ZNF208: variants seen among roughly 807,000 people sequenced by gnomAD.
ZNF208 encodes the protein zinc finger protein 208.
A neutral mutation model predicts 12.1 loss-of-function variants in ZNF208; 10 were observed. The observed-to-expected ratio is 0.83, with a 90% CI of 0.51 to 1.40. The LOEUF (loss-of-function observed/expected upper bound fraction) is 1.40, where lower values mean the gene tolerates loss of function less well. Ranked by LOEUF, ZNF208 falls within the 40% of genes most tolerant of loss-of-function variation. The probability of loss-of-function intolerance (pLI) is 0.00; values close to 1 mark genes in which losing one functional copy is unlikely to be tolerated. For missense variants in ZNF208, 1,652 were observed against 1,485.0 expected, an observed-to-expected ratio of 1.11 and a Z score of -1.85; for synonymous variants, 497 against 488.4, an observed-to-expected ratio of 1.02 and a Z score of -0.23.
chr19:21,957,952 A>G (rs1970002168), intron 4 of ZNF208, among the ~76,000 whole-genome samples: 1 of 152,024 alleles, frequency 6.6e-6, no homozygotes, highest in Admixed American at 6.6e-5. Context: ...ATCATTTAGC[A>G]TTAGGTATAT....
chr19:21,959,947 G>A (rs542160874), intron 4 of ZNF208, among the ~76,000 whole-genome samples: 155 of 152,134 alleles, frequency 1.0e-3, no homozygotes, highest in Non-Finnish European at 1.5e-3. Context: ...CTCATATTTT[G>A]TCAGCTTAGT....
chr19:21,969,277 GA>G lies in ZNF208; in HGVS notation c.*1913del, dbSNP rs3029025. ...TGGCCACAGTAAGCCAATGTGTCTG[GA>G]AAAAAAAAAAATCTGTGTTTTGAAG... is the stretch of plus-strand genomic sequence containing the variant. On this transcript the variant is annotated 3_prime_UTR_variant, in exon 4 of 4. Transcript: ENST00000397126. Among the ~76,000 whole-genome samples the G allele has an allele frequency of 0.46, 68,677 of 149,398 alleles. 16,048 individuals are homozygous for G. The highest frequency in any genetic ancestry group is 0.55 in the African/African-American group (22,583 of 40,948).
At chr19:21,981,690 T>A (rs1401516430) in intron 3 of ZNF208, among the ~76,000 whole-genome samples, 1 of 152,160 alleles carries the variant, frequency 6.6e-6, no homozygotes, top group Non-Finnish European at 1.5e-5. Flanking sequence ...TTCAACATAG[T>A]ATTGGAAGTT....
chr19:21,995,468 A>G (rs868224641), intron 1 of ZNF208, among the ~76,000 whole-genome samples: 59 of 152,338 alleles, frequency 3.9e-4, no homozygotes, highest in African/African-American at 1.4e-3. Context: ...CACTCTTGTC[A>G]GCCTGACACA....
intron 4 of ZNF208, among the ~76,000 whole-genome samples, chr19:21,949,298 T>C (rs1599601648): frequency 6.6e-6 from 1 of 152,322 alleles, no homozygotes. Context: ...ACTAAGACTT[T>C]CCTCAATTTA....
At chr19:21,955,221 T>G (rs1204512278) in intron 4 of ZNF208, among the ~76,000 whole-genome samples, 2 of 152,250 alleles carry the variant, frequency 1.3e-5, no homozygotes, top group African/African-American at 4.8e-5. Flanking sequence ...GGGCTTCCAT[T>G]TGTGGGTAAC....
At chr19:21,978,017 C>A (rs1241541718) in intron 3 of ZNF208, among the ~76,000 whole-genome samples, 1 of 152,176 alleles carries the variant, frequency 6.6e-6, no homozygotes, top group East Asian at 1.9e-4. Context: ...CAGACTGTAT[C>A]TCAAGATGCC....
chr19:21,959,857 TAAGAAACTAAAAATATG>T (rs1471077603), intron 4 of ZNF208, among the ~76,000 whole-genome samples: 3 of 152,208 alleles, frequency 2.0e-5, no homozygotes, highest in Non-Finnish European at 4.4e-5. Context: ...AGATGTTCTC[TAAGAAACTAAAAATATG>T]TTTAGTTTTA....
chr19:21,991,607 G>A (rs1028554995), intron 1 of ZNF208: 1 of 152,116 alleles, frequency 6.6e-6, no homozygotes, highest in African/African-American at 2.4e-5. Flanking sequence ...AGGCATGGTG[G>A]CGCATGCCTG....
rs529619223 is a variant in ZNF208, at chr19:21,953,850, T to C, written c.306-20613A>G. Among the ~76,000 whole-genome samples, 217 of 152,322 alleles carry C rather than the reference T, an allele frequency of 1.4e-3. 1 individual carries two copies. Among genetic ancestry groups the C allele is most frequent in the Non-Finnish European group, 2.2e-3 (149 of 68,026 alleles). The stretch of plus-strand genomic sequence containing the variant: ...TCTATCTCTTTCATTTCTGCTCTGA[T>C]CTTAGTTATTTCTTGCCTTCTGCTA... On this transcript the variant is annotated intron_variant, in intron 4 of 4. Coordinates refer to the ZNF208 transcript ENST00000599916.
intron 1 of ZNF208, chr19:21,998,545 C>T (rs1331219855): frequency 2.0e-5 from 3 of 152,562 alleles, no homozygotes; most frequent in Non-Finnish European, 2.9e-5. Flanking sequence ...AAGCAATTCT[C>T]CTGTCTCAGC....
chr19:21,951,064 C>T (rs766969936), intron 4 of ZNF208, among the ~76,000 whole-genome samples: 5 of 152,190 alleles, frequency 3.3e-5, no homozygotes, highest in African/African-American at 4.8e-5. Context: ...AGAATACAAA[C>T]ATCTTAAACA....
intron 1 of ZNF208, among the ~76,000 whole-genome samples, chr19:21,992,797 T>TA (rs1970764428): frequency 6.6e-6 from 1 of 152,168 alleles, no homozygotes; most frequent in South Asian, 2.1e-4. Flanking sequence ...ATTGTCAGAA[T>TA]TTTTTCAAAT....
chr19:22,006,236 T>G (rs1240271638), intron 1 of ZNF208, among the ~76,000 whole-genome samples: 1 of 152,056 alleles, frequency 6.6e-6, no homozygotes, highest in African/African-American at 2.4e-5. Context: ...CATTTAAACA[T>G]TCCCCTCACC....
At position 21,981,808 on chromosome 19, in the gene ZNF208, C is replaced by G. The variant is rs1334070217; in HGVS notation, c.226+5408G>C. The stretch of plus-strand genomic sequence containing the variant: ...ATGACATGATTGTATATTTAGAAAA[C>G]CCCACTGTCTCAGCCCAAGATCTCC... On this transcript the variant is annotated intron_variant, in intron 3 of 3. Coordinates refer to ENST00000397126, the MANE Select transcript of ZNF208 (RefSeq NM_007153.3). 4.6e-5 allele frequency among the ~76,000 whole-genome samples: 7 copies of G among 152,110 alleles called. No homozygotes were observed. In the East Asian group the frequency reaches 1.3e-3, roughly 29 times the overall value.
chr19:21,960,695 T>C lies in ZNF208; in HGVS notation c.305+14034A>G, dbSNP rs550795705. Among the ~76,000 whole-genome samples the C allele has an allele frequency of 1.6e-4, 24 of 152,308 alleles. No homozygotes were observed. In the East Asian group the frequency reaches 2.5e-3, roughly 16 times the overall value. On this transcript the variant is annotated intron_variant, in intron 4 of 4. Coordinates refer to the ZNF208 transcript ENST00000599916. ...ACATCCTGAATGAGACCAGTCAGTA[T>C]ATTGTAGCTTTTTCTCCAGCCACAA...
chr19:21,953,318 C>T (rs1283756063), intron 4 of ZNF208, among the ~76,000 whole-genome samples: 2 of 152,140 alleles, frequency 1.3e-5, no homozygotes, highest in African/African-American at 4.8e-5. Flanking sequence ...CAGAGAATCC[C>T]ACAAAGATAT....
chr19:21,961,173 A>G (rs573185585), downstream of ZNF208, among the ~76,000 whole-genome samples: 1 of 152,314 alleles, frequency 6.6e-6, no homozygotes, highest in Non-Finnish European at 1.5e-5. Context: ...GGTCTGAGAA[A>G]TAAAGAGAAA....
intron 3 of ZNF208, chr19:21,986,613 C>G (rs1970631904): frequency 6.4e-6 from 1 of 156,110 alleles, no homozygotes; most frequent in Non-Finnish European, 1.4e-5. Flanking sequence ...TATCAATATT[C>G]CAGTGTTTTT....
Sources: gnomAD v4.1 joint callset for allele counts (sites outside exome capture counted in the v4.1 genomes callset) on GRCh38, gnomAD v4.1.1 for gene constraint, MANE v1.5 for transcripts, NCBI Gene and HGNC (gene_info 2026-07-23, HGNC 2026-07-21) for gene names.